Variants in UNC13C observed in about 807,000 individuals in gnomAD.
UNC13C encodes unc-13 homolog C.
A neutral mutation model predicts 245.4 loss-of-function variants in UNC13C; 174 were observed. The observed-to-expected ratio is 0.71, with a 90% CI of 0.63 to 0.80. UNC13C has a LOEUF of 0.80. Among genes scored for constraint, UNC13C ranks in the 30% least tolerant of loss-of-function variants. UNC13C has a pLI of 0.00. For missense variants in UNC13C, 2,829 were observed against 2,602.9 expected, an observed-to-expected ratio of 1.09 and a Z score of -1.89; for synonymous variants, 992 against 895.1, an observed-to-expected ratio of 1.11 and a Z score of -1.93.
At chr15:53,997,687 T>C (rs1894698535) in intron 1 of UNC13C, among the ~76,000 whole-genome samples, 2 of 152,084 alleles carry the variant, frequency 1.3e-5, no homozygotes. Flanking sequence ...TTCTGGACTT[T>C]CTTCTATTCC....
chr15:54,203,359 A>G (rs2034582003), intron 4 of UNC13C, among the ~76,000 whole-genome samples: 1 of 151,590 alleles, frequency 6.6e-6, no homozygotes, highest in South Asian at 2.1e-4. Flanking sequence ...TCACTATACC[A>G]AAAAGATACT....
At position 54,381,544 on chromosome 15, in the gene UNC13C, C is replaced by G. The variant is rs2039725138; in HGVS notation, c.4714-11504C>G. Among the ~76,000 whole-genome samples, 4 of 151,980 alleles carry G rather than the reference C, an allele frequency of 2.6e-5. No individual in the cohort carries two copies. The South Asian group carries it at 8.3e-4, about 32-fold the overall frequency. On this transcript the variant is annotated intron_variant, in intron 17 of 32. Coordinates refer to ENST00000260323, the MANE Select transcript of UNC13C (RefSeq NM_001080534.3). ...ATTGACTCTGTAGATCACTTTGGGT[C>G]ATATAGATATTTTAACAATACTACA...
At chr15:54,143,231 C>T (rs1350287210) in intron 3 of UNC13C, among the ~76,000 whole-genome samples, 191 bp downstream of exon 3, 1 of 152,090 alleles carries the variant, frequency 6.6e-6, no homozygotes, top group African/African-American at 2.4e-5. Context: ...TCACACCTTG[C>T]CAGCTGCGCT....
intron 14 of UNC13C, among the ~76,000 whole-genome samples, chr15:54,328,795 G>T (rs554070631): frequency 9.9e-5 from 15 of 151,980 alleles, no homozygotes; most frequent in African/African-American, 3.6e-4. Context: ...CATAAGCTAA[G>T]AATATTTTTT....
intron 28 of UNC13C, among the ~76,000 whole-genome samples, chr15:54,550,567 C>G (rs563252828): frequency 4.7e-4 from 71 of 152,214 alleles, no homozygotes; most frequent in Admixed American, 3.1e-3. Context: ...TAATTATTTA[C>G]TGAGGTAAAA....
At chr15:54,533,470 A>G (rs1895850895) in intron 26 of UNC13C, among the ~76,000 whole-genome samples, 2 of 152,218 alleles carry the variant, frequency 1.3e-5, no homozygotes, top group Non-Finnish European at 2.9e-5. Context: ...AGAATAGCAC[A>G]AATATGACTA....
At chr15:54,205,172 T>C (rs528101608) in intron 4 of UNC13C, among the ~76,000 whole-genome samples, 2 of 152,076 alleles carry the variant, frequency 1.3e-5, no homozygotes, top group South Asian at 4.1e-4. Flanking sequence ...GGGAATATGG[T>C]GAAAGAAAAA....
intron 1 of UNC13C, among the ~76,000 whole-genome samples, chr15:53,994,715 T>G (rs561978547): frequency 1.3e-5 from 2 of 152,196 alleles, no homozygotes; most frequent in Non-Finnish European, 1.5e-5. Flanking sequence ...ATGTCAATAG[T>G]CAAGTGTAAA....
chr15:54,414,899 G>T, intron 18 of UNC13C, 83 bp from the exon 19 acceptor site: 1 of 801,160 alleles, frequency 1.2e-6, no homozygotes, highest in Non-Finnish European at 2.1e-6. Flanking sequence ...AATAACTACT[G>T]TGGTATATAT....
At chr15:54,099,901 C>G (rs968260098) in intron 2 of UNC13C, among the ~76,000 whole-genome samples, 1 of 151,936 alleles carries the variant, frequency 6.6e-6, no homozygotes, top group Non-Finnish European at 1.5e-5. Flanking sequence ...TCGAAATCAG[C>G]CTGGCCAGCA....
intron 4 of UNC13C, among the ~76,000 whole-genome samples, chr15:54,158,916 C>G (rs1329951938): frequency 6.6e-6 from 1 of 152,178 alleles, no homozygotes; most frequent in Non-Finnish European, 1.5e-5. Context: ...CCCCGAAGTG[C>G]TGGGAATACA....
chr15:54,400,255 AAAG>A (rs940454693), intron 18 of UNC13C, among the ~76,000 whole-genome samples: 5 of 152,098 alleles, frequency 3.3e-5, no homozygotes, highest in East Asian at 3.9e-4. Context: ...GATTTTCTTT[AAAG>A]AAGATTTTTT....
the UNC13C span, among the ~76,000 whole-genome samples, chr15:53,842,988 T>C: frequency 6.6e-6 from 1 of 151,138 alleles, no homozygotes; most frequent in East Asian, 1.9e-4. Flanking sequence ...ACAGAGAAAT[T>C]TTGCTAAATA....
the UNC13C span, among the ~76,000 whole-genome samples, chr15:53,875,656 G>A: frequency 1.3e-5 from 2 of 152,118 alleles, no homozygotes; most frequent in South Asian, 2.1e-4. Flanking sequence ...AGGGAAATGG[G>A]GCCAGGTAAG....
At chr15:54,549,985 A>G (rs1896665963) in intron 28 of UNC13C, among the ~76,000 whole-genome samples, 1 of 152,220 alleles carries the variant, frequency 6.6e-6, no homozygotes, top group Non-Finnish European at 1.5e-5. Context: ...TCTTCAAACC[A>G]AGAAACACAG....
intron 17 of UNC13C, among the ~76,000 whole-genome samples, chr15:54,392,628 T>C (rs1417957654): frequency 1.3e-5 from 2 of 151,732 alleles, no homozygotes; most frequent in African/African-American, 4.8e-5. Flanking sequence ...ATAAATTTTA[T>C]GCATACACAC....
chr15:54,199,924 T>C (rs1288061237), intron 4 of UNC13C, among the ~76,000 whole-genome samples: 2 of 152,050 alleles, frequency 1.3e-5, no homozygotes, highest in Admixed American at 1.3e-4. Context: ...ATTTACTAAG[T>C]TTTTGCTATT....
chr15:54,233,664 C>G (rs917050488), intron 4 of UNC13C, among the ~76,000 whole-genome samples: 1 of 152,022 alleles, frequency 6.6e-6, no homozygotes, highest in Non-Finnish European at 1.5e-5. Context: ...AGGCTCATGA[C>G]GACTAAGAAA....
At chr15:54,434,202 G>A (rs2140979709) in intron 19 of UNC13C, among the ~76,000 whole-genome samples, 1 of 152,070 alleles carries the variant, frequency 6.6e-6, no homozygotes, top group African/African-American at 2.4e-5. Context: ...AGCTACCATT[G>A]ACTTTCTTCA....
Sources: allele counts gnomAD v4.1 joint callset (sites outside exome capture counted in the v4.1 genomes callset), GRCh38; gene constraint gnomAD v4.1.1; transcripts MANE v1.5; gene names NCBI Gene and HGNC (gene_info 2026-07-23, HGNC 2026-07-21).